BRD10: variants seen among roughly 807,000 people sequenced by gnomAD.
The protein encoded by BRD10 is uncharacterized bromodomain-containing protein 10.
the BRD10 span, among the ~76,000 whole-genome samples, chr9:5,944,412 G>A: frequency 4.6e-5 from 7 of 151,850 alleles, no homozygotes; most frequent in South Asian, 4.1e-4. Flanking sequence ...GCAGATAAAG[G>A]TTCTTTAAAA....
At chr9:5,916,590 T>C in the BRD10 span, among the ~76,000 whole-genome samples, 3 of 127,806 alleles carry the variant, frequency 2.3e-5, no homozygotes, top group African/African-American at 6.0e-5. Flanking sequence ...ATATAACATA[T>C]ATATAAAACT....
At chr9:5,966,517 T>C in the BRD10 span, among the ~76,000 whole-genome samples, 1 of 130,674 alleles carries the variant, frequency 7.7e-6, no homozygotes, top group Non-Finnish European at 1.5e-5. Flanking sequence ...TGGGGTGCAG[T>C]GGCATGATCT....
chr9:5,942,651 T>C, the BRD10 span, among the ~76,000 whole-genome samples: 1 of 152,204 alleles, frequency 6.6e-6, no homozygotes, highest in Non-Finnish European at 1.5e-5. Context: ...AGAGCTCTTA[T>C]GTTTAGTAAT....
the BRD10 span, chr9:5,988,466 T>G: frequency 2.5e-6 from 4 of 1,613,928 alleles, no homozygotes; most frequent in Non-Finnish European, 3.4e-6. Context: ...CTTGTTGAGG[T>G]ACATGCAGTT....
chr9:5,904,125 T>G, the BRD10 span, among the ~76,000 whole-genome samples: 2 of 152,102 alleles, frequency 1.3e-5, no homozygotes, highest in African/African-American at 4.8e-5. Flanking sequence ...CCCAAAGTGC[T>G]TGGGATTACA....
chr9:5,991,853 A>C, the BRD10 span, among the ~76,000 whole-genome samples: 1 of 151,706 alleles, frequency 6.6e-6, no homozygotes, highest in African/African-American at 2.4e-5. Flanking sequence ...GCCTTCGCCT[A>C]CCTCTCCAGG....
At chr9:5,996,506 T>C in the BRD10 span, among the ~76,000 whole-genome samples, 5 of 151,824 alleles carry the variant, frequency 3.3e-5, no homozygotes, top group Non-Finnish European at 7.4e-5. Context: ...TTTAGTAGAG[T>C]TGGGATTTCA....
At chr9:5,999,525 T>C in the BRD10 span, among the ~76,000 whole-genome samples, 33 of 152,180 alleles carry the variant, frequency 2.2e-4, no homozygotes, top group African/African-American at 7.9e-4. Context: ...CATCTATGCA[T>C]CCCTTGTAAT....
chr9:6,007,379 T>C, the BRD10 span: 47 of 1,612,606 alleles, frequency 2.9e-5, no homozygotes, highest in East Asian at 5.1e-4. Flanking sequence ...AGCAGACACA[T>C]GCCCTGTCCG....
the BRD10 span, among the ~76,000 whole-genome samples, chr9:5,953,744 T>G: frequency 6.6e-6 from 1 of 151,882 alleles, no homozygotes; most frequent in Non-Finnish European, 1.5e-5. Flanking sequence ...ATTATTTCTA[T>G]TAAACTGCTT....
the BRD10 span, among the ~76,000 whole-genome samples, chr9:5,948,312 C>A: frequency 6.6e-6 from 1 of 152,104 alleles, no homozygotes; most frequent in Non-Finnish European, 1.5e-5. Context: ...ATATTATATT[C>A]TTTTTAAAAG....
the BRD10 span, among the ~76,000 whole-genome samples, chr9:5,902,837 G>A: frequency 9.2e-5 from 14 of 151,832 alleles, no homozygotes; most frequent in East Asian, 2.7e-3. Flanking sequence ...ATTGATTTCT[G>A]CTCTAATTTT....
At chr9:5,908,127 A>C in the BRD10 span, among the ~76,000 whole-genome samples, 2 of 152,194 alleles carry the variant, frequency 1.3e-5, no homozygotes, top group African/African-American at 4.8e-5. Flanking sequence ...TGGGCAAGCG[A>C]GTTAACCTCT....
At chr9:5,884,749 CA>C in the BRD10 span, among the ~76,000 whole-genome samples, 1 of 152,160 alleles carries the variant, frequency 6.6e-6, no homozygotes, top group Non-Finnish European at 1.5e-5. Flanking sequence ...TTTTCCACTC[CA>C]AAGGTCATTT....
At chr9:5,956,536 T>C in the BRD10 span, among the ~76,000 whole-genome samples, 4 of 152,148 alleles carry the variant, frequency 2.6e-5, 1 homozygote, top group South Asian at 8.3e-4. Flanking sequence ...GATAATAGTA[T>C]TACCTACTCT....
At chr9:5,887,610 A>G in the BRD10 span, among the ~76,000 whole-genome samples, 1 of 152,218 alleles carries the variant, frequency 6.6e-6, no homozygotes, top group South Asian at 2.1e-4. Context: ...TTTGTAGACT[A>G]GTACTCACCA....
the BRD10 span, among the ~76,000 whole-genome samples, chr9:5,893,986 G>A: frequency 2.7e-5 from 4 of 150,252 alleles, no homozygotes; most frequent in Non-Finnish European, 5.9e-5. Flanking sequence ...AGAGAAATTA[G>A]GAAATGTGTG....
At chr9:5,887,009 A>C in the BRD10 span, among the ~76,000 whole-genome samples, 2 of 152,206 alleles carry the variant, frequency 1.3e-5, no homozygotes, top group Non-Finnish European at 2.9e-5. Context: ...CTGTAATCCC[A>C]GCACTTTGGG....
At chr9:5,914,188 G>C in the BRD10 span, 2 of 344,814 alleles carry the variant, frequency 5.8e-6, no homozygotes, top group African/African-American at 2.2e-5. Flanking sequence ...ATGTCTGCGA[G>C]GAAGGTTAAA....
Sources: gnomAD v4.1 joint callset for allele counts (sites outside exome capture counted in the v4.1 genomes callset) on GRCh38, gnomAD v4.1.1 for gene constraint, MANE v1.5 for transcripts, NCBI Gene and HGNC (gene_info 2026-07-23, HGNC 2026-07-21) for gene names.